Variants in SGCZ observed in about 807,000 individuals in gnomAD.
The protein encoded by SGCZ is sarcoglycan zeta.
SGCZ carries 40 observed loss-of-function variants against 41.3 expected under a neutral mutation model. That is an observed-to-expected ratio of 0.97 (90% confidence interval 0.75 to 1.26). The LOEUF (loss-of-function observed/expected upper bound fraction) is 1.26. SGCZ is among the 50% of genes most tolerant of loss of function. SGCZ has a pLI of 0.00. For synonymous variants in SGCZ, 206 were observed against 137.5 expected, an observed-to-expected ratio of 1.50 and a Z score of -3.49; for missense variants, 552 against 369.8, an observed-to-expected ratio of 1.49 and a Z score of -4.04.
At chr8:15,179,529 T>C (rs953336544) in intron 1 of SGCZ, among the ~76,000 whole-genome samples, 2 of 152,284 alleles carry the variant, frequency 1.3e-5, no homozygotes, top group Non-Finnish European at 1.5e-5. Flanking sequence ...AAATAACAAG[T>C]AATTTTCGTT....
intron 4 of SGCZ, among the ~76,000 whole-genome samples, chr8:14,217,590 GA>G (rs1806044021): frequency 6.8e-6 from 1 of 146,774 alleles, no homozygotes; most frequent in South Asian, 2.2e-4. Flanking sequence ...TTTGAGAGAT[GA>G]AGCAAAAACA....
intron 1 of SGCZ, among the ~76,000 whole-genome samples, chr8:14,723,601 T>C (rs1339107635): frequency 2.6e-5 from 4 of 152,092 alleles, no homozygotes; most frequent in African/African-American, 9.7e-5. Context: ...TGACATTCAT[T>C]TTCTTCAAAC....
chr8:14,988,401 T>C (rs143230997), intron 1 of SGCZ, among the ~76,000 whole-genome samples: 236 of 152,174 alleles, frequency 1.6e-3, no homozygotes, highest in African/African-American at 5.4e-3. Context: ...TAAAACTAAC[T>C]TCAACATCTC....
At chr8:15,211,558 G>A (rs1244766181) in intron 1 of SGCZ, among the ~76,000 whole-genome samples, 1 of 152,058 alleles carries the variant, frequency 6.6e-6, no homozygotes, top group African/African-American at 2.4e-5. Context: ...CCCCTTCTGT[G>A]TCTTGCCACA....
intron 1 of SGCZ, among the ~76,000 whole-genome samples, chr8:15,121,366 G>A (rs370320206): frequency 3.3e-5 from 5 of 152,044 alleles, no homozygotes; most frequent in Non-Finnish European, 7.4e-5. Flanking sequence ...CTAGGTACAC[G>A]ATTCTTAAAA....
intron 2 of SGCZ, among the ~76,000 whole-genome samples, chr8:14,460,114 G>A (rs1476124971): frequency 6.6e-6 from 1 of 152,138 alleles, no homozygotes; most frequent in Non-Finnish European, 1.5e-5. Flanking sequence ...TATGTAAACT[G>A]CTACCATTAG....
chr8:14,912,848 T>C (rs1037780349), intron 1 of SGCZ, among the ~76,000 whole-genome samples: 15 of 152,078 alleles, frequency 9.9e-5, no homozygotes, highest in African/African-American at 3.6e-4. Flanking sequence ...TTTTGGAAGG[T>C]TACCAAGCAT....
At chr8:14,187,494 T>C (rs1288443056) in intron 4 of SGCZ, among the ~76,000 whole-genome samples, 1 of 151,930 alleles carries the variant, frequency 6.6e-6, no homozygotes, top group East Asian at 1.9e-4. Context: ...AAATGTCTAA[T>C]CAGATGGAGA....
intron 1 of SGCZ, among the ~76,000 whole-genome samples, chr8:15,039,208 C>T (rs142772437): frequency 1.9e-3 from 290 of 152,158 alleles, no homozygotes; most frequent in African/African-American, 6.7e-3. Context: ...TCACAATAGC[C>T]AAGATATGGA....
intron 1 of SGCZ, among the ~76,000 whole-genome samples, chr8:14,620,762 C>T (rs369291966): frequency 7.8e-4 from 119 of 152,056 alleles, no homozygotes; most frequent in East Asian, 3.5e-3. Flanking sequence ...CCAGTTAGAA[C>T]GGCGATCATT....
At chr8:14,720,792 C>T (rs770481090) in intron 1 of SGCZ, among the ~76,000 whole-genome samples, 1 of 152,070 alleles carries the variant, frequency 6.6e-6, no homozygotes, top group Non-Finnish European at 1.5e-5. Flanking sequence ...AAATTTGCTG[C>T]CTACTGCTTT....
intron 1 of SGCZ, among the ~76,000 whole-genome samples, chr8:15,118,358 C>CG (rs138094467): frequency 0.011 from 1,734 of 152,150 alleles, 30 homozygotes; most frequent in African/African-American, 0.038. Context: ...GCTAACTGGA[C>CG]GGTCTAAGTT....
chr8:14,447,569 C>A (rs1800468615), intron 2 of SGCZ, among the ~76,000 whole-genome samples: 1 of 152,100 alleles, frequency 6.6e-6, no homozygotes, highest in African/African-American at 2.4e-5. Context: ...CATTTAAAAG[C>A]AATCAACATT....
chr8:14,747,448 C>G (rs1448222370), intron 1 of SGCZ, among the ~76,000 whole-genome samples: 1 of 152,112 alleles, frequency 6.6e-6, no homozygotes, highest in African/African-American at 2.4e-5. Flanking sequence ...GCAAATTAAA[C>G]CATACACAGA....
At chr8:14,664,932 A>G (rs985408766) in intron 1 of SGCZ, among the ~76,000 whole-genome samples, 7 of 152,150 alleles carry the variant, frequency 4.6e-5, no homozygotes, top group African/African-American at 9.7e-5. Flanking sequence ...TTTAGATACT[A>G]TCTCTAGCAC....
At chr8:14,304,941 G>A (rs1299640390) in intron 3 of SGCZ, among the ~76,000 whole-genome samples, 2 of 152,040 alleles carry the variant, frequency 1.3e-5, no homozygotes, top group African/African-American at 2.4e-5. Context: ...TGTAGACTTA[G>A]CAAAATTATC....
At chr8:14,925,063 G>T (rs545753750) in intron 1 of SGCZ, among the ~76,000 whole-genome samples, 1 of 151,982 alleles carries the variant, frequency 6.6e-6, no homozygotes, top group Admixed American at 6.6e-5. Context: ...TCACCGTGTT[G>T]GCCAGGCTGC....
At chr8:14,281,263 T>G (rs1413098499) in intron 3 of SGCZ, among the ~76,000 whole-genome samples, 1 of 151,974 alleles carries the variant, frequency 6.6e-6, no homozygotes, top group Non-Finnish European at 1.5e-5. Context: ...AATGAAATAA[T>G]AAGTTTACAT....
intron 2 of SGCZ, among the ~76,000 whole-genome samples, chr8:14,393,601 G>C (rs1014435020): frequency 6.6e-6 from 1 of 152,130 alleles, no homozygotes; most frequent in Non-Finnish European, 1.5e-5. Flanking sequence ...TTCACCATCA[G>C]CTGGTCCTTT....
Sources: allele counts gnomAD v4.1 joint callset (sites outside exome capture counted in the v4.1 genomes callset), GRCh38; gene constraint gnomAD v4.1.1; transcripts MANE v1.5; gene names NCBI Gene and HGNC (gene_info 2026-07-23, HGNC 2026-07-21).